MYO5C: variants seen among roughly 807,000 people sequenced by gnomAD.
MYO5C encodes myosin VC.
A neutral mutation model predicts 235.7 loss-of-function variants in MYO5C; 194 were observed. The observed-to-expected ratio is 0.82, with a 90% CI of 0.73 to 0.93. MYO5C has a LOEUF of 0.93. Ranked by LOEUF, MYO5C falls within the 40% of genes least tolerant of loss-of-function variation. MYO5C has a pLI of 0.00. For missense variants in MYO5C, 2,038 were observed against 2,127.2 expected (o/e 0.96, Z 0.82); for synonymous variants, 707 against 754.8 (o/e 0.94, Z 1.04).
chr15:52,294,860 G>A (rs1387357584), intron 1 of MYO5C, among the ~76,000 whole-genome samples: 2 of 152,200 alleles, frequency 1.3e-5, no homozygotes, highest in Non-Finnish European at 2.9e-5. Flanking sequence ...GTGTTTCCCA[G>A]AGTCAGGGTA....
Sources: gnomAD v4.1 joint callset for allele counts (sites outside exome capture counted in the v4.1 genomes callset) on GRCh38, gnomAD v4.1.1 for gene constraint, MANE v1.5 for transcripts, NCBI Gene and HGNC (gene_info 2026-07-23, HGNC 2026-07-21) for gene names.